The following FTO variants were observed in gnomAD, a reference collection of about 807,000 sequenced individuals.
FTO encodes the protein FTO alpha-ketoglutarate dependent dioxygenase.
A neutral mutation model predicts 63.9 loss-of-function variants in FTO; 47 were observed. The observed-to-expected ratio is 0.74, with a 90% CI of 0.58 to 0.94. The LOEUF is 0.94. Among genes scored for constraint, FTO ranks in the 40% least tolerant of loss-of-function variants. The pLI is 0.00. For missense variants in FTO, 562 were observed against 618.1 expected (o/e 0.91, Z 0.96); for synonymous variants, 207 against 224.4 (o/e 0.92, Z 0.69).
intron 8 of FTO, among the ~76,000 whole-genome samples, chr16:53,949,899 A>G (rs765388636): frequency 6.6e-6 from 1 of 151,000 alleles, no homozygotes; most frequent in Non-Finnish European, 1.5e-5. Flanking sequence ...CCATAAACGA[A>G]CAGAATCCAG....
chr16:54,094,669 C>T (rs974236420), intron 8 of FTO, among the ~76,000 whole-genome samples: 2 of 152,202 alleles, frequency 1.3e-5, no homozygotes, highest in Admixed American at 6.5e-5. Context: ...AGCGCAAAGG[C>T]GAACAATACA....
chr16:54,014,570 A>G (rs750025582), intron 8 of FTO, among the ~76,000 whole-genome samples: 27 of 152,026 alleles, frequency 1.8e-4, no homozygotes, highest in Non-Finnish European at 3.7e-4. Context: ...TAAATTACCC[A>G]GCCTCGGGTG....
chr16:53,913,877 G>T (rs1295706810), intron 7 of FTO, among the ~76,000 whole-genome samples: 1 of 152,034 alleles, frequency 6.6e-6, no homozygotes. Flanking sequence ...TACCCAGGAG[G>T]CTGAGGCAGG....
rs2076390569 is a variant in FTO, at chr16:53,736,325, G to A, written c.45+32096G>A. 4.6e-5 allele frequency among the ~76,000 whole-genome samples: 7 copies of A among 150,782 alleles called. 1 individual carries two copies. In the South Asian group the frequency reaches 1.5e-3, roughly 32 times the overall value. ...TGAAATGCTCAAACCTGCACGTTGT[G>A]CACATGTACCCTAGGACTTAAAGTA... is the stretch of plus-strand genomic sequence containing the variant. On this transcript the variant is annotated intron_variant, in intron 1 of 8. Transcript: ENST00000471389.
intron 3 of FTO, among the ~76,000 whole-genome samples, chr16:53,835,119 C>T (rs1567342322): frequency 2.6e-5 from 4 of 152,096 alleles, no homozygotes; most frequent in Non-Finnish European, 5.9e-5. Flanking sequence ...TGCTATCTAC[C>T]ACATCTCCTC....
At chr16:53,840,245 C>T (rs550564456) in intron 3 of FTO, among the ~76,000 whole-genome samples, 8 of 151,804 alleles carry the variant, frequency 5.3e-5, no homozygotes, top group East Asian at 3.9e-4. Flanking sequence ...ATCATTAGTG[C>T]CCCCCTAGAA....
At chr16:53,739,126 C>T (rs1163312223) in intron 1 of FTO, among the ~76,000 whole-genome samples, 1 of 152,122 alleles carries the variant, frequency 6.6e-6, no homozygotes, top group Non-Finnish European at 1.5e-5. Context: ...CGCAATCTGG[C>T]CCTTGTCTGT....
chr16:53,978,970 G>A (rs986155344), intron 8 of FTO, among the ~76,000 whole-genome samples: 2 of 152,026 alleles, frequency 1.3e-5, no homozygotes, highest in African/African-American at 4.8e-5. Flanking sequence ...CTGCACTCCG[G>A]CCTGGGAGGT....
intron 3 of FTO, among the ~76,000 whole-genome samples, chr16:53,829,097 A>G (rs1337549026): frequency 6.6e-6 from 1 of 152,122 alleles, no homozygotes; most frequent in Non-Finnish European, 1.5e-5. Flanking sequence ...TCACCATGCT[A>G]GCCAGGCTGG....
intron 4 of FTO, among the ~76,000 whole-genome samples, chr16:53,857,206 T>C (rs948135705): frequency 6.6e-6 from 1 of 152,274 alleles, no homozygotes; most frequent in South Asian, 2.1e-4. Flanking sequence ...TAGTACCTGA[T>C]AGATAATTTT....
rs555832882 is a variant in FTO, at chr16:53,867,135, A to G, written c.896-6651A>G. Among the ~76,000 whole-genome samples, 5 of 152,096 alleles carry G rather than the reference A, an allele frequency of 3.3e-5. No homozygotes were observed. The South Asian group carries it at 1.0e-3, about 32-fold the overall frequency. On this transcript the variant is annotated intron_variant, in intron 4 of 8. Coordinates refer to ENST00000471389, the MANE Select transcript of FTO (RefSeq NM_001080432.3). Reference sequence around the variant, plus strand: ...TTTTTAAGATTTTTTTGACCCACAGATTATTAGAAGTATATTGTTCTATCT... The same window carrying G: ...TTTTTAAGATTTTTTTGACCCACAGGTTATTAGAAGTATATTGTTCTATCT...
chr16:53,835,863 A>G (rs1373814289), intron 3 of FTO, among the ~76,000 whole-genome samples: 1 of 145,962 alleles, frequency 6.9e-6, no homozygotes, highest in Non-Finnish European at 1.5e-5. Context: ...TATCTGGGAG[A>G]TTTTATTAAC....
chr16:53,871,948 A>G (rs1321761072), intron 4 of FTO, among the ~76,000 whole-genome samples: 1 of 152,102 alleles, frequency 6.6e-6, no homozygotes, highest in African/African-American at 2.4e-5. Flanking sequence ...GCTGGTCTCG[A>G]ACTCCTGACC....
intron 1 of FTO, among the ~76,000 whole-genome samples, chr16:53,729,006 C>T (rs531682448): frequency 4.0e-5 from 6 of 151,478 alleles, no homozygotes; most frequent in Non-Finnish European, 4.4e-5. Flanking sequence ...TCAAGTGATC[C>T]GCCCACCTTG....
intron 2 of FTO, among the ~76,000 whole-genome samples, chr16:53,813,892 C>G (rs1266056334): frequency 1.3e-5 from 2 of 152,122 alleles, no homozygotes; most frequent in South Asian, 4.1e-4. Flanking sequence ...AAGAGAGGAA[C>G]CAGGCACAAC....
chr16:53,979,535 C>CTG (rs57334871), intron 8 of FTO: 20,374 of 371,990 alleles, frequency 0.055, 297 homozygotes, highest in Non-Finnish European at 0.063. Context: ...ATGTTTATGG[C>CTG]TGTGTGTGTG....
intron 2 of FTO, among the ~76,000 whole-genome samples, chr16:53,818,937 A>T (rs1218783668): frequency 1.3e-5 from 2 of 152,246 alleles, no homozygotes; most frequent in East Asian, 3.9e-4. Context: ...CTTATGACAA[A>T]TTCCTAAAAG....
intron 8 of FTO, among the ~76,000 whole-genome samples, chr16:53,952,755 A>T (rs2082829066): frequency 6.6e-6 from 1 of 152,186 alleles, no homozygotes; most frequent in Non-Finnish European, 1.5e-5. Flanking sequence ...TGTGGGTGGG[A>T]ATTGGATCTG....
At chr16:54,004,269 G>A (rs1173214576) in intron 8 of FTO, among the ~76,000 whole-genome samples, 2 of 152,140 alleles carry the variant, frequency 1.3e-5, no homozygotes, top group Non-Finnish European at 2.9e-5. Context: ...ACATCCGCCT[G>A]TAATCCCAGC....
Sources: gnomAD v4.1 joint callset for allele counts (sites outside exome capture counted in the v4.1 genomes callset) on GRCh38, gnomAD v4.1.1 for gene constraint, MANE v1.5 for transcripts, NCBI Gene and HGNC (gene_info 2026-07-23, HGNC 2026-07-21) for gene names.